Variants in ACSF3 observed in about 807,000 individuals in gnomAD.
ACSF3 encodes the protein malonate--CoA ligase ACSF3, mitochondrial.
ACSF3 carries 78 observed loss-of-function variants against 53.2 expected under a neutral mutation model. The observed-to-expected ratio is 1.47, with a 90% CI of 1.22 to 1.77. ACSF3 has a LOEUF of 1.77. Ranked by LOEUF, ACSF3 falls within the 40% of genes most tolerant of loss-of-function variation. ACSF3 has a pLI of 0.00. For synonymous variants in ACSF3, 414 were observed against 333.1 expected, an observed-to-expected ratio of 1.24 and a Z score of -2.65; for missense variants, 937 against 771.1, an observed-to-expected ratio of 1.22 and a Z score of -2.55.
At chr16:89,126,395 A>C (rs1567719831) in intron 7 of ACSF3, among the ~76,000 whole-genome samples, 1 of 152,000 alleles carries the variant, frequency 6.6e-6, no homozygotes, top group Non-Finnish European at 1.5e-5. Context: ...CAGCCTCCCC[A>C]GTAGCTGGGA....
chr16:89,111,992 G>T, intron 4 of ACSF3, 100 bp from the exon 5 acceptor site: 1 of 561,814 alleles, frequency 1.8e-6, no homozygotes, highest in Non-Finnish European at 2.4e-6. Context: ...GCAGACTCTT[G>T]AATGTGAACC....
At chr16:89,118,970 A>G (rs1450241139) in intron 6 of ACSF3, among the ~76,000 whole-genome samples, 2 of 152,144 alleles carry the variant, frequency 1.3e-5, no homozygotes, top group African/African-American at 4.8e-5. Flanking sequence ...TGCCCGGGGC[A>G]CAGCGAGCGG....
chr16:89,096,236 C>CTGT (rs1567677576), intron 1 of ACSF3, among the ~76,000 whole-genome samples: 1 of 151,732 alleles, frequency 6.6e-6, no homozygotes, highest in Admixed American at 6.5e-5. Flanking sequence ...ATGAAGCTGG[C>CTGT]TGAGGGTGGA....
intron 8 of ACSF3, chr16:89,141,411 G>A: frequency 1.0e-6 from 1 of 976,184 alleles, no homozygotes; most frequent in Non-Finnish European, 1.4e-6. Flanking sequence ...GAGGGAAGCA[G>A]CGGGGCCGCC....
chr16:89,098,433 C>G (rs4782463), intron 1 of ACSF3, among the ~76,000 whole-genome samples, 158 bp from the exon 2 acceptor site: 100,041 of 151,770 alleles, frequency 0.66, 34,002 homozygotes, highest in Admixed American at 0.75. Context: ...GTCACTGCTG[C>G]CCGTTGTCGG....
rs573043890 is a variant in ACSF3, at chr16:89,145,928, C to T, written c.1502-10C>T. On this transcript the variant is annotated splice_polypyrimidine_tract_variant and intron_variant, in intron 9 of 10. Coordinates refer to ENST00000614302, the MANE Select transcript of ACSF3 (RefSeq NM_001243279.3). The stretch of plus-strand genomic sequence containing the variant: ...ATCCCCATGTTCTCAAACTGTTCTT[C>T]TATCCGCAGATGTGGCTGTGATTGG... 9 of 1,611,534 alleles carry T rather than the reference C, an allele frequency of 5.6e-6. No homozygotes were observed. The South Asian group carries it at 8.8e-5, about 16-fold the overall frequency.
At chr16:89,107,178 C>G (rs1471192033) in intron 4 of ACSF3, among the ~76,000 whole-genome samples, 1 of 152,208 alleles carries the variant, frequency 6.6e-6, no homozygotes, top group Non-Finnish European at 1.5e-5. Flanking sequence ...TCTTTCACGT[C>G]TTGGAAGTGT....
intron 10 of ACSF3, chr16:89,148,560 C>T (rs1304567855): frequency 1.3e-5 from 2 of 152,228 alleles, no homozygotes; most frequent in African/African-American, 4.8e-5. Context: ...TGTTGTGTGC[C>T]TGCAACTTTT....
At chr16:89,141,940 T>G (rs1215774766) in intron 8 of ACSF3, among the ~76,000 whole-genome samples, 1 of 152,038 alleles carries the variant, frequency 6.6e-6, no homozygotes, top group Non-Finnish European at 1.5e-5. Context: ...CAGAGACAGG[T>G]CTCAGTCCTG....
Position 89,133,187 on chromosome 16 carries a change from TC to T in ACSF3, c.1293del (p.Val432CysfsTer73), listed in dbSNP as rs761054207. ...GGGGGAGCTGCTGGTGAGGGGACCCTCCGTGTTTCGAGAATACTGGAATAAA... is the reference window on the plus strand; with the variant it reads ...GGGGGAGCTGCTGGTGAGGGGACCCTCGTGTTTCGAGAATACTGGAATAAA... Reference protein sequence around the residue: ...KEGELLVRGPSVFREYWNKPE... With the variant: ...KEGELLVRGPXVFREYWNKPE... On this transcript the variant is annotated frameshift_variant, in exon 8 of 11. Transcript: ENST00000614302. LOFTEE classifies it high-confidence loss of function. 1.9e-6 allele frequency: 3 copies of T among 1,614,074 alleles called. No homozygotes were observed. In the South Asian group the frequency reaches 3.3e-5, roughly 18 times the overall value.
chr16:89,147,247 AG>A, intron 10 of ACSF3, among the ~76,000 whole-genome samples: 1 of 77,960 alleles, frequency 1.3e-5, no homozygotes, highest in Non-Finnish European at 2.4e-5. Context: ...GGGAGGAGGG[AG>A]GGGTCACAGA....
At chr16:89,143,098 T>G (rs764952153) in intron 8 of ACSF3, among the ~76,000 whole-genome samples, 3 of 152,038 alleles carry the variant, frequency 2.0e-5, no homozygotes, top group Non-Finnish European at 4.4e-5. Context: ...TAAAAAAGAT[T>G]CGCAGGAAAT....
At chr16:89,109,376 G>C (rs187171002) in intron 4 of ACSF3, among the ~76,000 whole-genome samples, 1 of 141,724 alleles carries the variant, frequency 7.1e-6, no homozygotes, top group Non-Finnish European at 1.5e-5. Context: ...TTCAGTTTGC[G>C]TTTCCCTAAT....
chr16:89,132,291 A>T (rs1312397995), intron 7 of ACSF3, among the ~76,000 whole-genome samples: 1 of 152,200 alleles, frequency 6.6e-6, no homozygotes, highest in Non-Finnish European at 1.5e-5. Flanking sequence ...GAGAAGAGTG[A>T]GGGTCGTGGA....
At position 89,146,141 on chromosome 16, in the gene ACSF3, G is replaced by C. The variant is rs1367896505; in HGVS notation, c.1613+92G>C. On this transcript the variant is annotated intron_variant, in intron 10 of 10. Coordinates refer to ENST00000614302, the MANE Select transcript of ACSF3 (RefSeq NM_001243279.3). ...CTAGGTATTGGCATCGTCCGTCTTAGAGGTGGAGATGAGGGATCAAGAAAG... is the reference window on the plus strand; with the variant it reads ...CTAGGTATTGGCATCGTCCGTCTTACAGGTGGAGATGAGGGATCAAGAAAG... 5.3e-6 allele frequency: 5 copies of C among 938,812 alleles called. No individual in the cohort carries two copies. In the African/African-American group the frequency reaches 8.1e-5, roughly 15 times the overall value. 58.2% of individuals were successfully genotyped at this position (938,812 alleles called of 1,614,324 possible).
At position 89,154,306 on chromosome 16, in the gene ACSF3, C is replaced by A; in HGVS notation, c.*99C>A. 1 of 1,101,606 alleles carries A rather than the reference C, an allele frequency of 9.1e-7. No individual in the cohort carries two copies. The highest frequency in any genetic ancestry group is 1.8e-5 in the Admixed American group (1 of 54,690). The allele number at this position is 1,101,606 out of a possible 1,614,324, so 68.2% of individuals were successfully genotyped here. A position where few individuals can be genotyped will look rare whatever the true frequency, so the allele number is the denominator to read the frequency against. ...GTCCAAGACCTGGCCTCCCTTAAACCTGAACCCCCCAAATCAGGTCACGTA... is the reference window on the plus strand; with the variant it reads ...GTCCAAGACCTGGCCTCCCTTAAACATGAACCCCCCAAATCAGGTCACGTA... On this transcript the variant is annotated 3_prime_UTR_variant, in exon 11 of 11. Coordinates refer to ENST00000614302, the MANE Select transcript of ACSF3 (RefSeq NM_001243279.3).
intron 6 of ACSF3, among the ~76,000 whole-genome samples, chr16:89,119,254 CG>C (rs1357772206): frequency 1.3e-5 from 2 of 152,220 alleles, no homozygotes; most frequent in Non-Finnish European, 1.5e-5. Context: ...CTGCGGCCCC[CG>C]CCCCTACCCC....
chr16:89,099,149 C>T (rs1974961215), intron 2 of ACSF3, among the ~76,000 whole-genome samples: 3 of 152,272 alleles, frequency 2.0e-5, no homozygotes, highest in Admixed American at 1.3e-4. Flanking sequence ...CTTCTTCTCG[C>T]TCTGGAATGC....
Position 89,154,486 on chromosome 16 carries a change from G to A in ACSF3, c.*279G>A. 1 of 593,058 alleles carries A rather than the reference G, an allele frequency of 1.7e-6. No individual in the cohort carries two copies. The highest frequency in any genetic ancestry group is 3.2e-6 in the Non-Finnish European group (1 of 316,672). 36.7% of individuals were successfully genotyped at this position (593,058 alleles called of 1,614,324 possible). On this transcript the variant is annotated 3_prime_UTR_variant, in exon 11 of 11. Transcript: ENST00000614302. The stretch of plus-strand genomic sequence containing the variant: ...GTGCAGCCAGCCCCTGGCCCCACGT[G>A]CTGAGGCACCTCCCGCCCCACAGTG...
Sources: allele counts gnomAD v4.1 joint callset (sites outside exome capture counted in the v4.1 genomes callset), GRCh38; gene constraint gnomAD v4.1.1; transcripts MANE v1.5; gene names NCBI Gene and HGNC (gene_info 2026-07-23, HGNC 2026-07-21).